BICD1: variants seen among roughly 807,000 people sequenced by gnomAD.
The protein encoded by BICD1 is BICD cargo adaptor 1.
BICD1 carries 35 observed loss-of-function variants against 92.5 expected under a neutral mutation model. That is an observed-to-expected ratio of 0.38 (90% CI 0.29 to 0.50). BICD1 has a LOEUF of 0.50. Ranked by LOEUF, BICD1 falls within the 20% of genes least tolerant of loss-of-function variation. BICD1 has a pLI of 0.93. For synonymous variants in BICD1, 429 were observed against 465.1 expected (o/e 0.92, Z 1.00); for missense variants, 950 against 1,189.8 (o/e 0.80, Z 2.97).
intron 2 of BICD1, among the ~76,000 whole-genome samples, chr12:32,261,304 T>C (rs1946853043): frequency 6.6e-6 from 1 of 152,250 alleles, no homozygotes; most frequent in African/African-American, 2.4e-5. Context: ...TTACCCTTCC[T>C]ATTTCTTCTT....
At chr12:32,127,808 T>C (rs1305335695) in intron 1 of BICD1, among the ~76,000 whole-genome samples, 1 of 152,158 alleles carries the variant, frequency 6.6e-6, no homozygotes, top group Non-Finnish European at 1.5e-5. Flanking sequence ...TCTTAGACTT[T>C]GCACATGTTT....
chr12:32,154,208 AT>A lies in BICD1; in HGVS notation c.213+46668del, dbSNP rs1302627575. 2.6e-5 allele frequency among the ~76,000 whole-genome samples: 4 copies of A among 152,108 alleles called. No homozygotes were observed. In the East Asian group the frequency reaches 7.7e-4, roughly 29 times the overall value. ...TATTATGATTTTTCCAGTTCTCAAT[AT>A]TTTGGGTCTAACCCTTTTTTTATTA... On this transcript the variant is annotated intron_variant, in intron 1 of 9. Transcript: ENST00000652176.
intron 1 of BICD1, among the ~76,000 whole-genome samples, chr12:32,154,945 A>G (rs1413670540): frequency 6.6e-6 from 1 of 152,132 alleles, no homozygotes; most frequent in Non-Finnish European, 1.5e-5. Flanking sequence ...TCTGATTCAA[A>G]CATTTTACCC....
At chr12:32,275,294 G>C (rs1947245243) in intron 2 of BICD1, among the ~76,000 whole-genome samples, 1 of 152,170 alleles carries the variant, frequency 6.6e-6, no homozygotes, top group Non-Finnish European at 1.5e-5. Context: ...AATAAGTAAG[G>C]TATAAAGGAA....
intron 2 of BICD1, among the ~76,000 whole-genome samples, chr12:32,239,526 A>G (rs1387904130): frequency 6.8e-6 from 1 of 146,108 alleles, no homozygotes; most frequent in African/African-American, 2.5e-5. Flanking sequence ...AGAGCGCACC[A>G]TTGCACTCCA....
In BICD1 at chr12:32,328,073, CA is replaced by C. The variant is rs1353586417; in HGVS notation, c.1619del (p.Gln540ArgfsTer10). ...PNRVMLDYYRQSRVTRSGSLK... is the reference protein window; with the variant it reads ...PNRVMLDYYRXSRVTRSGSLK... ...CAGGGTCATGCTGGATTACTATAGG[CA>C]GAGCAGAGTCACCCGCAGTGGCAGC... On this transcript the variant is annotated frameshift_variant, in exon 5 of 10. Coordinates refer to ENST00000652176, the MANE Select transcript of BICD1 (RefSeq NM_001714.4). LOFTEE classifies it high-confidence loss of function. This position sits in a 1 kb window ranked among gnomAD's most constrained non-coding sequence, Gnocchi z 4.4. 1.2e-6 allele frequency: 2 copies of C among 1,614,102 alleles called. No homozygotes were observed. The highest frequency in any genetic ancestry group is 1.7e-6 in the Non-Finnish European group (2 of 1,180,024).
intron 1 of BICD1, among the ~76,000 whole-genome samples, chr12:32,117,735 C>CATATAT (rs71064997): frequency 7.4e-6 from 1 of 134,518 alleles, no homozygotes; most frequent in African/African-American, 2.8e-5. Context: ...CACACACACA[C>CATATAT]ATATATATAT....
chr12:32,236,557 A>G (rs1427410813), intron 2 of BICD1, among the ~76,000 whole-genome samples: 1 of 152,184 alleles, frequency 6.6e-6, no homozygotes, highest in Non-Finnish European at 1.5e-5. Flanking sequence ...TAATAGCCCT[A>G]CAATGGCTTC....
intron 2 of BICD1, among the ~76,000 whole-genome samples, chr12:32,236,524 A>T (rs1047705911): frequency 2.0e-5 from 3 of 152,130 alleles, no homozygotes; most frequent in African/African-American, 7.2e-5. Flanking sequence ...CATGAGACAC[A>T]ACAATATTGA....
intron 1 of BICD1, among the ~76,000 whole-genome samples, chr12:32,169,052 C>G (rs1943858558): frequency 6.6e-6 from 1 of 152,040 alleles, no homozygotes; most frequent in Non-Finnish European, 1.5e-5. Context: ...ACAGCCTTGC[C>G]CCTGCATGGA....
At chr12:32,285,501 CTG>C (rs1038763206) in intron 2 of BICD1, among the ~76,000 whole-genome samples, 1 of 152,076 alleles carries the variant, frequency 6.6e-6, no homozygotes, top group African/African-American at 2.4e-5. Flanking sequence ...TATATTGACT[CTG>C]TGTGGTGACA....
intron 8 of BICD1, among the ~76,000 whole-genome samples, chr12:32,349,708 TA>T (rs1162233663): frequency 1.3e-5 from 2 of 152,092 alleles, no homozygotes; most frequent in Non-Finnish European, 2.9e-5. Flanking sequence ...TCTTCCCCCC[TA>T]AAAAAAGGAA....
intron 1 of BICD1, among the ~76,000 whole-genome samples, chr12:32,114,571 C>T (rs543108914): frequency 6.6e-6 from 1 of 152,032 alleles, no homozygotes; most frequent in East Asian, 1.9e-4. Flanking sequence ...TTTGTAGACA[C>T]AGGGTTTTGC....
At chr12:32,344,669 G>A (rs1359188355) in intron 8 of BICD1, among the ~76,000 whole-genome samples, 1 of 152,186 alleles carries the variant, frequency 6.6e-6, no homozygotes, top group African/African-American at 2.4e-5. Context: ...CACACGACCT[G>A]CTCTTACTGC....
At chr12:32,144,639 T>G (rs1943049381) in intron 1 of BICD1, among the ~76,000 whole-genome samples, 1 of 152,262 alleles carries the variant, frequency 6.6e-6, no homozygotes, top group African/African-American at 2.4e-5. Flanking sequence ...CACTTAGTAA[T>G]TGCTTTCATT....
intron 1 of BICD1, among the ~76,000 whole-genome samples, chr12:32,135,231 G>T (rs1490559587): frequency 6.6e-6 from 1 of 151,748 alleles, no homozygotes; most frequent in Non-Finnish European, 1.5e-5. Flanking sequence ...TGGGATTACA[G>T]GTGCATGCCA....
At chr12:32,207,947 C>T (rs1036323005) in intron 1 of BICD1, among the ~76,000 whole-genome samples, 1 of 152,138 alleles carries the variant, frequency 6.6e-6, no homozygotes, top group Admixed American at 6.5e-5. Flanking sequence ...CCAAGGAAAA[C>T]CTTTACACCA....
intron 9 of BICD1, 137 bp from the exon 10 acceptor site, chr12:32,377,403 T>C: frequency 2.9e-6 from 2 of 692,092 alleles, no homozygotes; most frequent in Admixed American, 4.9e-5. Context: ...TGGCATGCTT[T>C]AGATGGAAAC....
intron 4 of BICD1, among the ~76,000 whole-genome samples, chr12:32,319,682 A>G (rs1700047553): frequency 6.6e-6 from 1 of 151,938 alleles, no homozygotes; most frequent in Non-Finnish European, 1.5e-5. Context: ...GGTTCAAGCA[A>G]TTCTCCTGCC....
Sources: gnomAD v4.1 joint callset for allele counts (sites outside exome capture counted in the v4.1 genomes callset) on GRCh38, gnomAD v4.1.1 for gene constraint, Gnocchi (gnomAD v3.1) non-coding constraint, MANE v1.5 for transcripts, NCBI Gene and HGNC (gene_info 2026-07-23, HGNC 2026-07-21) for gene names.